Variants in GRM7 observed in about 807,000 individuals in gnomAD.
The protein encoded by GRM7 is metabotropic glutamate receptor 7.
A neutral mutation model predicts 84.5 loss-of-function variants in GRM7; 35 were observed. The observed-to-expected ratio is 0.41, with a 90% CI of 0.32 to 0.55. GRM7 has a LOEUF of 0.55. Ranked by LOEUF, GRM7 falls within the 20% of genes least tolerant of loss-of-function variation. GRM7 has a pLI of 0.19. For missense variants in GRM7, 1,003 were observed against 1,194.6 expected (o/e 0.84, Z 2.36); for synonymous variants, 487 against 455.1 (o/e 1.07, Z -0.89).
At chr3:7,326,775 A>T (rs1198862452) in intron 4 of GRM7, among the ~76,000 whole-genome samples, 1 of 151,436 alleles carries the variant, frequency 6.6e-6, no homozygotes, top group Non-Finnish European at 1.5e-5. Flanking sequence ...TGGAGGTTGC[A>T]GTGAGCCGAG....
chr3:7,737,688 T>C (rs1039856389), intron 9 of GRM7, among the ~76,000 whole-genome samples: 3 of 152,200 alleles, frequency 2.0e-5, no homozygotes, highest in Non-Finnish European at 4.4e-5. Flanking sequence ...GCAATGTTCC[T>C]AGCAATTCTG....
At chr3:7,139,758 G>T (rs975783366) in intron 1 of GRM7, among the ~76,000 whole-genome samples, 1 of 151,954 alleles carries the variant, frequency 6.6e-6, no homozygotes, top group African/African-American at 2.4e-5. Context: ...ATTGGCCTTG[G>T]CAATGATTTT....
intron 2 of GRM7, among the ~76,000 whole-genome samples, chr3:7,177,942 T>A (rs1695209635): frequency 6.6e-6 from 1 of 152,242 alleles, no homozygotes; most frequent in Admixed American, 6.5e-5. Flanking sequence ...TCTAATATTT[T>A]GTTCAAAATA....
chr3:7,253,012 T>TA (rs539835390), intron 2 of GRM7, among the ~76,000 whole-genome samples: 49,164 of 71,090 alleles, frequency 0.69, 17,711 homozygotes, highest in East Asian at 0.91. Context: ...TGGCTTTTCT[T>TA]AAAAAAAAAA....
intron 7 of GRM7, among the ~76,000 whole-genome samples, chr3:7,499,877 C>T (rs1432260258): frequency 6.6e-6 from 1 of 151,764 alleles, no homozygotes; most frequent in Admixed American, 6.6e-5. Flanking sequence ...CAGATTCACA[C>T]CATTCTCCTG....
At chr3:7,032,006 A>G (rs564833514) in intron 1 of GRM7, among the ~76,000 whole-genome samples, 4 of 152,296 alleles carry the variant, frequency 2.6e-5, no homozygotes, top group African/African-American at 9.6e-5. Flanking sequence ...GGGAAATGAC[A>G]ATCTATGCTT....
At chr3:7,164,375 A>G (rs905243100) in intron 2 of GRM7, among the ~76,000 whole-genome samples, 1 of 152,220 alleles carries the variant, frequency 6.6e-6, no homozygotes, top group Non-Finnish European at 1.5e-5. Flanking sequence ...ATTAAAAAAC[A>G]TAAAAATCAC....
intron 5 of GRM7, among the ~76,000 whole-genome samples, chr3:7,446,923 C>G (rs1282219234): frequency 6.6e-6 from 1 of 152,100 alleles, no homozygotes; most frequent in African/African-American, 2.4e-5. Context: ...AAAAGATCTT[C>G]CCCATAGCAT....
chr3:7,503,537 T>C (rs528782663), intron 7 of GRM7, among the ~76,000 whole-genome samples: 42 of 152,290 alleles, frequency 2.8e-4, no homozygotes, highest in African/African-American at 1.0e-3. Context: ...GATTATTCCT[T>C]CTTTTCAAAT....
At chr3:7,616,183 C>A (rs112225635) in intron 8 of GRM7, among the ~76,000 whole-genome samples, 44 of 152,166 alleles carry the variant, frequency 2.9e-4, no homozygotes, top group African/African-American at 1.0e-3. Flanking sequence ...AAAACAATGT[C>A]TCATGCTAAT....
chr3:7,109,344 T>G (rs1692763980), intron 1 of GRM7, among the ~76,000 whole-genome samples: 2 of 152,150 alleles, frequency 1.3e-5, no homozygotes, highest in African/African-American at 4.8e-5. Context: ...TTCTTACAGG[T>G]TATTTTAATG....
chr3:7,231,320 T>C (rs192165049), intron 2 of GRM7, among the ~76,000 whole-genome samples: 192 of 152,322 alleles, frequency 1.3e-3, no homozygotes, highest in African/African-American at 4.5e-3. Context: ...AAAAGTGTCT[T>C]TGATAGTGAG....
intron 4 of GRM7, among the ~76,000 whole-genome samples, chr3:7,380,694 C>A (rs1272185230): frequency 6.6e-6 from 1 of 152,124 alleles, no homozygotes; most frequent in Non-Finnish European, 1.5e-5. Flanking sequence ...TTAAGACCTG[C>A]CCAATTTTGA....
intron 2 of GRM7, among the ~76,000 whole-genome samples, chr3:7,219,668 G>T (rs1258016828): frequency 1.3e-5 from 2 of 152,166 alleles, no homozygotes; most frequent in Non-Finnish European, 2.9e-5. Context: ...TTGTGTGCAT[G>T]GGTTAGTGTT....
At chr3:6,992,790 C>G (rs1361295819) in intron 1 of GRM7, among the ~76,000 whole-genome samples, 1 of 152,182 alleles carries the variant, frequency 6.6e-6, no homozygotes, top group Admixed American at 6.5e-5. Context: ...AGCTCCTTCT[C>G]CTCCCACCCT....
At position 7,305,096 on chromosome 3, in the gene GRM7, G is replaced by A. The variant is rs549607477; in HGVS notation, c.879-1402G>A. Among the ~76,000 whole-genome samples, 20 of 152,190 alleles carry A rather than the reference G, an allele frequency of 1.3e-4. No individual in the cohort carries two copies. The South Asian group carries it at 4.2e-3, about 32-fold the overall frequency. ...TACAGAAAAATTATTTTCTACCTGG[G>A]GTGACAAACCCCTAGTTCCCAGCAT... On this transcript the variant is annotated intron_variant, in intron 3 of 9. Transcript: ENST00000357716.
chr3:7,616,451 G>A (rs572584882), intron 8 of GRM7, among the ~76,000 whole-genome samples: 1 of 152,012 alleles, frequency 6.6e-6, no homozygotes. Context: ...TATTTAGATG[G>A]TTTCACTCAC....
At chr3:7,565,137 C>T (rs1455133598) in intron 7 of GRM7, among the ~76,000 whole-genome samples, 1 of 152,150 alleles carries the variant, frequency 6.6e-6, no homozygotes, top group Non-Finnish European at 1.5e-5. Context: ...ACTGATGAGA[C>T]TCACAAAAGT....
chr3:6,956,449 G>A, intron 1 of GRM7: 1 of 419,148 alleles, frequency 2.4e-6, no homozygotes, highest in Non-Finnish European at 4.7e-6. Flanking sequence ...AAGACTTTGG[G>A]CAAACGCCGG....
Sources: allele counts gnomAD v4.1 joint callset (sites outside exome capture counted in the v4.1 genomes callset), GRCh38; gene constraint gnomAD v4.1.1; transcripts MANE v1.5; gene names NCBI Gene and HGNC (gene_info 2026-07-23, HGNC 2026-07-21).